The following PCDH9 variants were observed in gnomAD, a reference collection of about 807,000 sequenced individuals.
PCDH9 encodes the protein protocadherin 9, also known as protocadherin-9.
Under a neutral mutation model 70.6 loss-of-function variants are expected in PCDH9, and 24 were observed. The ratio of observed to expected loss-of-function variants is 0.34; its 90% confidence interval spans 0.25 to 0.48. The LOEUF (loss-of-function observed/expected upper bound fraction) is 0.48. PCDH9 is among the 20% of genes least tolerant of loss of function. The pLI is 0.99. For synonymous variants in PCDH9, 562 were observed against 558.5 expected, an observed-to-expected ratio of 1.01 and a Z score of -0.09; for missense variants, 1,281 against 1,503.6, an observed-to-expected ratio of 0.85 and a Z score of 2.45.
chr13:66,504,716 G>A (rs754441207), intron 4 of PCDH9, among the ~76,000 whole-genome samples: 7 of 152,140 alleles, frequency 4.6e-5, no homozygotes, highest in Non-Finnish European at 8.8e-5. Flanking sequence ...AATACATGTG[G>A]GAATGGTGAC....
chr13:66,529,593 T>C lies in PCDH9; in HGVS notation c.3340+101617A>G, dbSNP rs142069911. Among the ~76,000 whole-genome samples the C allele has an allele frequency of 2.6e-5, 4 of 152,188 alleles. No individual in the cohort carries two copies. The South Asian group carries it at 6.3e-4, about 24-fold the overall frequency. ...CTCTAGAATGTTGAATAAAAACATA[T>C]TGGAATTAAATATTATGCAATCTCT... On this transcript the variant is annotated intron_variant, in intron 4 of 4. Coordinates refer to ENST00000377865, the MANE Select transcript of PCDH9 (RefSeq NM_203487.3).
chr13:67,176,158 G>T (rs2088447476), intron 2 of PCDH9, among the ~76,000 whole-genome samples: 1 of 152,064 alleles, frequency 6.6e-6, no homozygotes, highest in South Asian at 2.1e-4. Flanking sequence ...TCCTTTATAA[G>T]GCCTAAAATG....
chr13:67,177,051 A>G (rs2088481298), intron 2 of PCDH9, among the ~76,000 whole-genome samples: 1 of 152,114 alleles, frequency 6.6e-6, no homozygotes, highest in South Asian at 2.1e-4. Context: ...AAATTAAAGT[A>G]TCTATTGTGA....
chr13:66,463,713 T>A (rs898890286), intron 4 of PCDH9, among the ~76,000 whole-genome samples: 1 of 151,754 alleles, frequency 6.6e-6, no homozygotes, highest in Non-Finnish European at 1.5e-5. Flanking sequence ...ATCCATTGGA[T>A]CCATTCCCTT....
intron 2 of PCDH9, among the ~76,000 whole-genome samples, chr13:66,973,430 T>C (rs2083559789): frequency 6.6e-6 from 1 of 151,910 alleles, no homozygotes; most frequent in Non-Finnish European, 1.5e-5. Context: ...CTCATGAGAC[T>C]AGACAGAACT....
intron 3 of PCDH9, among the ~76,000 whole-genome samples, chr13:66,892,488 G>T (rs1223943891): frequency 6.6e-6 from 1 of 151,804 alleles, no homozygotes; most frequent in East Asian, 1.9e-4. Flanking sequence ...AGCAGTATTT[G>T]TGCAATCATT....
chr13:66,600,516 T>A (rs896209072), intron 4 of PCDH9, among the ~76,000 whole-genome samples: 3 of 151,880 alleles, frequency 2.0e-5, no homozygotes, highest in Non-Finnish European at 4.4e-5. Flanking sequence ...GTAATTATAA[T>A]TTTTTTCCCT....
chr13:67,138,779 A>G (rs1594564385), intron 2 of PCDH9, among the ~76,000 whole-genome samples: 1 of 152,158 alleles, frequency 6.6e-6, no homozygotes, highest in South Asian at 2.1e-4. Context: ...GAACCTGGAT[A>G]CCCTCCACTG....
At chr13:66,499,601 A>G (rs1488935615) in intron 4 of PCDH9, among the ~76,000 whole-genome samples, 1 of 152,200 alleles carries the variant, frequency 6.6e-6, no homozygotes, top group African/African-American at 2.4e-5. Flanking sequence ...GTGGCTCAGA[A>G]TAGTTATTAA....
intron 3 of PCDH9, among the ~76,000 whole-genome samples, chr13:66,733,677 C>CT (rs11366736): frequency 0.13 from 18,666 of 147,048 alleles, 1,211 homozygotes; most frequent in African/African-American, 0.16. Flanking sequence ...TAAAGGTAGG[C>CT]TTTTTTTTTT....
At chr13:66,583,456 C>CA (rs1460673517) in intron 4 of PCDH9, among the ~76,000 whole-genome samples, 37 of 151,656 alleles carry the variant, frequency 2.4e-4, no homozygotes, top group Non-Finnish European at 7.4e-5. Context: ...ACTAAAAATA[C>CA]AAAAAATTGG....
intron 2 of PCDH9, among the ~76,000 whole-genome samples, chr13:67,061,364 T>C (rs1184595134): frequency 3.0e-5 from 4 of 132,134 alleles, no homozygotes; most frequent in African/African-American, 5.4e-5. Context: ...GTTTCAACCA[T>C]ATCTTTCTGT....
At chr13:66,435,127 A>G (rs1361821946) in intron 4 of PCDH9, among the ~76,000 whole-genome samples, 2 of 152,106 alleles carry the variant, frequency 1.3e-5, no homozygotes, top group Non-Finnish European at 2.9e-5. Context: ...ACTGTAACCC[A>G]TGATATGGTG....
intron 3 of PCDH9, among the ~76,000 whole-genome samples, chr13:66,729,168 G>T (rs978720375): frequency 6.6e-6 from 1 of 151,988 alleles, no homozygotes; most frequent in Non-Finnish European, 1.5e-5. Context: ...CCCCAAATTT[G>T]TTCCTCTTCT....
chr13:67,075,355 G>C (rs2085857564), intron 2 of PCDH9, among the ~76,000 whole-genome samples: 1 of 152,054 alleles, frequency 6.6e-6, no homozygotes, highest in African/African-American at 2.4e-5. Context: ...AACGAACTGA[G>C]AATATTCTGA....
chr13:67,092,396 T>A (rs915174672), intron 2 of PCDH9, among the ~76,000 whole-genome samples: 2 of 152,210 alleles, frequency 1.3e-5, no homozygotes, highest in East Asian at 3.8e-4. Flanking sequence ...ATGTTTTTTT[T>A]ATTAATTTCC....
rs180694119 is a variant in PCDH9 at position 66,758,127 on chromosome 13, G to A, written c.3139-126716C>T. On this transcript the variant is annotated intron_variant, in intron 3 of 4. Coordinates refer to ENST00000377865, the MANE Select transcript of PCDH9 (RefSeq NM_203487.3). ...ATATATTTATTATGTACAACATGCTGTTATGAAGTATATATACATCATGGA... is the reference window on the plus strand; with the variant it reads ...ATATATTTATTATGTACAACATGCTATTATGAAGTATATATACATCATGGA... Among the ~76,000 whole-genome samples, 262 of 152,034 alleles carry A rather than the reference G, an allele frequency of 1.7e-3. 1 individual carries two copies. Among genetic ancestry groups the A allele is most frequent in the Non-Finnish European group, 1.5e-3 (99 of 67,912 alleles).
intron 2 of PCDH9, among the ~76,000 whole-genome samples, chr13:67,105,065 A>C (rs535053201): frequency 2.0e-5 from 3 of 152,104 alleles, no homozygotes; most frequent in African/African-American, 7.2e-5. Flanking sequence ...ATATCTTGCC[A>C]CTAACACTCT....
At chr13:66,495,007 G>A (rs1959091012) in intron 4 of PCDH9, among the ~76,000 whole-genome samples, 1 of 152,002 alleles carries the variant, frequency 6.6e-6, no homozygotes, top group South Asian at 2.1e-4. Flanking sequence ...AGGATGGAAG[G>A]AAGGAAGGAA....
Sources: allele counts gnomAD v4.1 joint callset (sites outside exome capture counted in the v4.1 genomes callset), GRCh38; gene constraint gnomAD v4.1.1; transcripts MANE v1.5; gene names NCBI Gene and HGNC (gene_info 2026-07-23, HGNC 2026-07-21).